TTBK2: variants seen among roughly 807,000 people sequenced by gnomAD.
TTBK2 encodes the protein tau tubulin kinase 2, also known as tau-tubulin kinase 2.
In TTBK2, 28 loss-of-function variants were observed where a neutral mutation model predicts 110.8. The observed-to-expected ratio is 0.25, with a 90% CI of 0.19 to 0.35. The LOEUF (loss-of-function observed/expected upper bound fraction) is 0.35, where lower values mean the gene tolerates loss of function less well. Among genes scored for constraint, TTBK2 ranks in the 10% least tolerant of loss-of-function variants. The pLI is 1.00. For synonymous variants in TTBK2, 532 were observed against 527.3 expected (o/e 1.01, Z -0.12); for missense variants, 1,369 against 1,500.3 (o/e 0.91, Z 1.45).
chr15:42,831,019 T>C (rs1043386706), intron 4 of TTBK2, among the ~76,000 whole-genome samples: 1 of 129,412 alleles, frequency 7.7e-6, no homozygotes, highest in Non-Finnish European at 1.5e-5. Flanking sequence ...AAAAAATGTA[T>C]ATATGTGTGT....
intron 1 of TTBK2, among the ~76,000 whole-genome samples, chr15:42,910,221 T>C (rs1021732587): frequency 9.3e-5 from 14 of 151,236 alleles, no homozygotes; most frequent in Admixed American, 6.6e-4. Context: ...TAGGCAACAA[T>C]AATCTAGCAG....
At chr15:42,815,958 A>AAAAATATATATATATATATATATATAT (rs71108183) in intron 7 of TTBK2, among the ~76,000 whole-genome samples, 6 of 91,694 alleles carry the variant, frequency 6.5e-5, no homozygotes, top group South Asian at 3.4e-4. Context: ...TTAAAAAAAA[A>AAAAATATATATATATATATATATATAT]ATATATATAT....
chr15:42,745,899 G>T lies in TTBK2; in HGVS notation c.3631C>A (p.Pro1211Thr), dbSNP rs759930908. 2 of 1,613,978 alleles carry T rather than the reference G, an allele frequency of 1.2e-6. No individual in the cohort carries two copies. Among genetic ancestry groups the T allele is most frequent in the Non-Finnish European group, 1.7e-6 (2 of 1,180,024 alleles). Residue 1211 changes from proline to threonine, a missense_variant, in exon 15 of 15, where the codon CCC becomes ACC. Physicochemically the swap from Pro to Thr is conservative, Grantham distance 38. This residue lies in a region of TTBK2 where 1,097 missense variants were observed against 1,114.7 expected (regional missense o/e 0.98). Transcript: ENST00000267890. ...RRSCQQEHCK[P>T]SKNGLKGSGS... Reference sequence around the variant, plus strand: ...GATCCTTTCAGGCCATTCTTGCTGGGTTTGCAATGCTCCTGTTGGCAGGAC... The same window carrying T: ...GATCCTTTCAGGCCATTCTTGCTGGTTTTGCAATGCTCCTGTTGGCAGGAC...
chr15:42,738,814 G>C lies in TTBK2; in HGVS notation c.*6981C>G, dbSNP rs1321037967. The C allele has an allele frequency of 6.6e-6, 1 of 152,140 alleles. No individual in the cohort carries two copies. The highest frequency in any genetic ancestry group is 1.9e-4 in the East Asian group (1 of 5,200). 9.4% of individuals were successfully genotyped at this position (152,140 alleles called of 1,614,324 possible). ...ACACCTAGCTTCTATTCAGTCCTGGGCTGCTTTTTCTAGGGAACTTCTAGA... is the reference window on the plus strand; with the variant it reads ...ACACCTAGCTTCTATTCAGTCCTGGCCTGCTTTTTCTAGGGAACTTCTAGA... On this transcript the variant is annotated 3_prime_UTR_variant, in exon 15 of 15. Transcript: ENST00000267890.
chr15:42,748,868 T>C (rs2061829601), intron 14 of TTBK2, among the ~76,000 whole-genome samples: 1 of 152,246 alleles, frequency 6.6e-6, no homozygotes. Flanking sequence ...TGTATGGTTG[T>C]ATATACCATC....
chr15:42,817,281 TA>T lies in TTBK2; in HGVS notation c.538-185del, dbSNP rs367546137. On this transcript the variant is annotated intron_variant, in intron 6 of 14. Transcript: ENST00000267890. ...AGAGATTATCTCTAAATCACATCTT[TA>T]AAAAAAAAAACTGATAAAATTTTAA... 0.019 allele frequency among the ~76,000 whole-genome samples: 2,747 copies of T among 147,886 alleles called. 83 individuals are homozygous for T. The highest frequency in any genetic ancestry group is 0.062 in the African/African-American group (2,531 of 40,566).
At position 42,775,563 on chromosome 15, in the gene TTBK2, G is replaced by T; in HGVS notation, c.1570C>A (p.Pro524Thr). 1.2e-6 allele frequency: 2 copies of T among 1,614,148 alleles called. No homozygotes were observed. Among genetic ancestry groups the T allele is most frequent in the Admixed American group, 1.7e-5 (1 of 60,012 alleles). Reference sequence around the variant, plus strand: ...CTGCCACCACCATCTGCCTGCTCAGGGGTGTTGGCAGAAGCAGGCTTGGAG... The same window carrying T: ...CTGCCACCACCATCTGCCTGCTCAGTGGTGTTGGCAGAAGCAGGCTTGGAG... ...DASKPASANT[P>T]EQADGGGSNG... The change falls in exon 13 of 15, where the codon CCT becomes ACT. Residue 524 changes from proline to threonine, a missense_variant. Pro to Thr is a conservative substitution (Grantham distance 38, BLOSUM62 -1). This residue lies in a region of TTBK2 where 1,097 missense variants were observed against 1,114.7 expected (regional missense o/e 0.98). Transcript: ENST00000267890.
intron 10 of TTBK2, among the ~76,000 whole-genome samples, chr15:42,784,126 C>T (rs11070378): frequency 0.72 from 109,222 of 151,886 alleles, 40,203 homozygotes; most frequent in Middle Eastern, 0.85. Flanking sequence ...GCCAATCCTA[C>T]GAAATAAAAC....
At chr15:42,800,014 C>T (rs889610566) in intron 9 of TTBK2, among the ~76,000 whole-genome samples, 2 of 152,072 alleles carry the variant, frequency 1.3e-5, no homozygotes, top group South Asian at 4.2e-4. Flanking sequence ...GGGAGGATTA[C>T]TTGAGCCCGA....
intron 13 of TTBK2, among the ~76,000 whole-genome samples, chr15:42,760,082 C>A (rs1278284660): frequency 2.6e-5 from 4 of 152,082 alleles, no homozygotes; most frequent in Admixed American, 2.0e-4. Context: ...CCAAAGGAAT[C>A]TTAGCACTAA....
At chr15:42,872,844 T>C (rs1596007679) in intron 2 of TTBK2, 86 bp from the exon 3 acceptor site, 2 of 1,444,372 alleles carry the variant, frequency 1.4e-6, no homozygotes, top group East Asian at 2.5e-5. Flanking sequence ...TTAGAAAATG[T>C]ATAATTTTAT....
rs759246710 is a variant in TTBK2 at position 42,783,443 on chromosome 15, G to C, written c.1173C>G (p.Asn391Lys). The C allele has an allele frequency of 4.9e-5, 79 of 1,613,918 alleles. 1 individual carries two copies. The highest frequency in any genetic ancestry group is 1.6e-4 in the Middle Eastern group (1 of 6,084). The change falls in exon 11 of 15, where the codon AAC (asparagine) becomes AAG (lysine). Residue 391 changes from asparagine to lysine, a missense_variant. This residue lies in a region of TTBK2 where 1,097 missense variants were observed against 1,114.7 expected (regional missense o/e 0.98). Transcript: ENST00000267890. ...CCTTACAAATTCCAAGCTTTATCTT[G>C]TTTTTGTTGGCATCCATCTCTTCCC... ...DVWEEMDANK[N>K]KIKLGICKAA...
intron 10 of TTBK2, among the ~76,000 whole-genome samples, chr15:42,790,288 ATT>A (rs5812234): frequency 4.2e-5 from 6 of 144,400 alleles, no homozygotes; most frequent in African/African-American, 5.1e-5. Flanking sequence ...TTCTTTGTCT[ATT>A]TTTTTTTTTT....
chr15:42,746,754 C>A (rs1162383546), intron 14 of TTBK2, among the ~76,000 whole-genome samples: 1 of 151,772 alleles, frequency 6.6e-6, no homozygotes, highest in African/African-American at 2.4e-5. Context: ...GATCTGTCAC[C>A]CCTAAGTCTT....
At chr15:42,778,350 A>G (rs1328557483) in intron 11 of TTBK2, among the ~76,000 whole-genome samples, 2 of 151,512 alleles carry the variant, frequency 1.3e-5, no homozygotes, top group East Asian at 3.9e-4. Context: ...AGACACAGCC[A>G]AAGAAATTAC....
chr15:42,887,628 A>T (rs1895296143), intron 1 of TTBK2, among the ~76,000 whole-genome samples: 1 of 152,152 alleles, frequency 6.6e-6, no homozygotes, highest in Non-Finnish European at 1.5e-5. Flanking sequence ...CTTATCAACC[A>T]AATTGTTTTG....
chr15:42,890,538 C>A (rs1425673597), intron 1 of TTBK2, among the ~76,000 whole-genome samples: 1 of 152,192 alleles, frequency 6.6e-6, no homozygotes, highest in Admixed American at 6.5e-5. Flanking sequence ...GAGAGCCATT[C>A]TAGCAAATTG....
rs192013153 is a variant in TTBK2, at chr15:42,867,333, C to A, written c.217+5278G>T. 2.3e-3 allele frequency among the ~76,000 whole-genome samples: 343 copies of A among 150,516 alleles called. 1 individual carries two copies. Among genetic ancestry groups the A allele is most frequent in the African/African-American group, 8.1e-3 (334 of 41,032 alleles). On this transcript the variant is annotated intron_variant, in intron 3 of 14. Transcript: ENST00000267890. ...CTTTAGGAAACTAGAAAACAGAAAG[C>A]AAATTAAAGCAGAAGAGAAGAAATA... is the stretch of plus-strand genomic sequence containing the variant.
At chr15:42,891,863 T>C (rs1407715370) in intron 1 of TTBK2, among the ~76,000 whole-genome samples, 1 of 152,152 alleles carries the variant, frequency 6.6e-6, no homozygotes, top group Non-Finnish European at 1.5e-5. Flanking sequence ...GAAGGCAGCT[T>C]TGTGGGACTG....
Sources: gnomAD v4.1 joint callset for allele counts (sites outside exome capture counted in the v4.1 genomes callset) on GRCh38, gnomAD v4.1.1 for gene constraint, gnomAD v4.1.1 regional missense constraint, MANE v1.5 for transcripts, NCBI Gene and HGNC (gene_info 2026-07-23, HGNC 2026-07-21) for gene names.